Variants in PIEZO1 observed in about 807,000 individuals in gnomAD.
The protein encoded by PIEZO1 is piezo type mechanosensitive ion channel component 1 (Er blood group).
Under a neutral mutation model 297.2 loss-of-function variants are expected in PIEZO1, and 296 were observed. The observed-to-expected ratio is 1.00, with a 90% confidence interval of 0.91 to 1.10. PIEZO1 has a LOEUF of 1.10. Among genes scored for constraint, PIEZO1 ranks in the 50% least tolerant of loss-of-function variants. The probability of loss-of-function intolerance (pLI) is 0.00; values close to 1 mark genes in which losing one functional copy is unlikely to be tolerated. For missense variants in PIEZO1, 5,018 were observed against 3,455.5 expected, an observed-to-expected ratio of 1.45 and a Z score of -11.34; for synonymous variants, 2,427 against 1,507.5, an observed-to-expected ratio of 1.61 and a Z score of -14.13.
At chr16:88,753,289 G>A (rs1313322345) in intron 1 of PIEZO1, among the ~76,000 whole-genome samples, 1 of 37,682 alleles carries the variant, frequency 2.7e-5, no homozygotes, top group Non-Finnish European at 4.8e-5. Flanking sequence ...CCCCCAGAGC[G>A]TACCCGGCCC....
At position 88,715,766 on chromosome 16, in the gene PIEZO1, C is replaced by T. The variant is rs368497431; in HGVS notation, c.7405G>A (p.Glu2469Lys). 14 of 1,550,286 alleles carry T rather than the reference C, an allele frequency of 9.0e-6. No individual in the cohort carries two copies. The highest frequency in any genetic ancestry group is 2.4e-5 in the East Asian group (1 of 40,930). Residue 2469 changes from glutamate (E) to lysine (K), a missense_variant, in exon 51 of 51, where the codon GAG becomes AAG. Glu to Lys is a moderately conservative substitution (Grantham distance 56). Coordinates refer to ENST00000301015, the MANE Select transcript of PIEZO1 (RefSeq NM_001142864.4). ...ATGCGGTCCACGCACGGCAGCTCCT[C>T]GAACATAATGGAGTGCGAGATCTCG... ...FSEISHSIMF[E>K]ELPCVDRILK...
chr16:88,725,981 ACCAC>A, intron 27 of PIEZO1: 1 of 568,110 alleles, frequency 1.8e-6, no homozygotes, highest in East Asian at 3.0e-5. Context: ...CAGTCGTGAC[ACCAC>A]ACAGTGGCCC....
chr16:88,716,914 G>A lies in PIEZO1; in HGVS notation c.6661-16C>T. The A allele has an allele frequency of 6.5e-7, 1 of 1,549,148 alleles. No individual in the cohort carries two copies. The highest frequency in any genetic ancestry group is 8.7e-7 in the Non-Finnish European group (1 of 1,146,580). On this transcript the variant is annotated splice_polypyrimidine_tract_variant and intron_variant, in intron 45 of 50. Transcript: ENST00000301015. ...TGAACAGCGGCTGGGGCAGGCACGGGGACACGGGGCCACGAAGATGAGCGT... is the reference window on the plus strand; with the variant it reads ...TGAACAGCGGCTGGGGCAGGCACGGAGACACGGGGCCACGAAGATGAGCGT...
intron 1 of PIEZO1, among the ~76,000 whole-genome samples, chr16:88,764,861 G>C (rs1242649505): frequency 6.6e-6 from 1 of 152,104 alleles, no homozygotes; most frequent in East Asian, 1.9e-4. Flanking sequence ...CTCGGCACCA[G>C]GGGCAGACAC....
At chr16:88,725,831 CT>C in intron 27 of PIEZO1, 147 bp from the exon 28 acceptor site, 1 of 622,978 alleles carries the variant, frequency 1.6e-6, no homozygotes, top group Non-Finnish European at 2.9e-6. Context: ...GAGGCATCTG[CT>C]GCCCCCACCC....
rs758445295 is a variant in PIEZO1 at position 88,731,854 on chromosome 16, G to T, written c.3048C>A (p.Thr1016=). The T allele has an allele frequency of 3.5e-5, 51 of 1,437,396 alleles. No individual in the cohort carries two copies. The African/African-American group carries it at 7.2e-4, about 20-fold the overall frequency. 89.0% of individuals were successfully genotyped at this position (1,437,396 alleles called of 1,614,324 possible). A position where few individuals can be genotyped will look rare whatever the true frequency, so the allele number is the denominator to read the frequency against. Residue 1016 remains threonine (T), a synonymous_variant, in exon 22 of 51, where the codon ACC becomes ACA. Coordinates refer to ENST00000301015, the MANE Select transcript of PIEZO1 (RefSeq NM_001142864.4). ...TGGCCACCAGCCAGCAACCGTGCAG[G>T]GTCACCAGAAAGTTCATGCGCTGCC... ...VIGQRMNFLV[T]LHGCWLVAIL...
chr16:88,733,335 C>A lies in PIEZO1; in HGVS notation c.2607G>T (p.Lys869Asn), dbSNP rs1224218624. ...TGACAACCTTGAGCTGGTACAGCAT[C>A]TTACACACGATGATGACGCAGGTCC... ...TVWTCVIIVC[K>N]MLYQLKVVNP... The change falls in exon 19 of 51, where the codon AAG (lysine) becomes AAT (asparagine). Residue 869 changes from lysine (K) to asparagine (N), a missense_variant. Coordinates refer to ENST00000301015, the MANE Select transcript of PIEZO1 (RefSeq NM_001142864.4). 1 of 1,550,222 alleles carries A rather than the reference C, an allele frequency of 6.5e-7. No individual in the cohort carries two copies. The highest frequency in any genetic ancestry group is 8.7e-7 in the Non-Finnish European group (1 of 1,146,832).
At chr16:88,741,162 C>G (rs945212296) in intron 5 of PIEZO1, 1 of 222,004 alleles carries the variant, frequency 4.5e-6, no homozygotes, top group African/African-American at 2.3e-5. Flanking sequence ...GCCAGACCCA[C>G]TGCCCAGCAC....
At chr16:88,741,213 G>A (rs1905629072) in intron 5 of PIEZO1, 1 of 385,760 alleles carries the variant, frequency 2.6e-6, no homozygotes, top group Non-Finnish European at 4.7e-6. Context: ...TAATTCCCCT[G>A]TGAAGAGTTC....
chr16:88,721,271 G>A lies in PIEZO1; in HGVS notation c.5563C>T (p.Pro1855Ser). ...GGCCTGAGCTCCACTTGGGGTTCTG[G>A]GGTCCCGTCCGTGGGTCCGACCCTG... ...EARVGPTDGT[P>S]EPQVELRPRD... The change falls in exon 39 of 51, where the codon CCA (proline) becomes TCA (serine). Residue 1855 changes from proline (P) to serine (S), a missense_variant. By Grantham distance (74) the Pro-to-Ser change is moderately conservative. Transcript: ENST00000301015. The A allele has an allele frequency of 1.9e-6, 3 of 1,544,042 alleles. No individual in the cohort carries two copies. Among genetic ancestry groups the A allele is most frequent in the Non-Finnish European group, 1.7e-6 (2 of 1,146,580 alleles).
intron 22 of PIEZO1, among the ~76,000 whole-genome samples, chr16:88,730,462 G>C (rs1174195387): frequency 2.0e-5 from 3 of 152,110 alleles, no homozygotes; most frequent in Non-Finnish European, 4.4e-5. Context: ...GCCGGGCCTG[G>C]TGGTGCTTGC....
At chr16:88,776,582 G>C (rs1907676139) in intron 1 of PIEZO1, among the ~76,000 whole-genome samples, 1 of 152,202 alleles carries the variant, frequency 6.6e-6, no homozygotes, top group African/African-American at 2.4e-5. Flanking sequence ...AGGAAGGGGA[G>C]AGGCTGTGTG....
chr16:88,734,653 T>C lies in PIEZO1; in HGVS notation c.1994A>G (p.Glu665Gly), dbSNP rs547592988. 33 of 1,550,174 alleles carry C rather than the reference T, an allele frequency of 2.1e-5. No homozygotes were observed. In the African/African-American group the frequency reaches 3.8e-4, roughly 18 times the overall value. ...YWRNLTGFTDEQLGDLGLEQF... is the reference protein window; with the variant it reads ...YWRNLTGFTDGQLGDLGLEQF... The stretch of plus-strand genomic sequence containing the variant: ...CACCGCCCCAGCCTGGACTCACTGC[T>C]CGTCGGTGAAGCCAGTGAGGTTGCG... Residue 665 changes from glutamate (E) to glycine (G), a missense_variant, in exon 15 of 51, where the codon GAG (glutamate) becomes GGG (glycine). Transcript: ENST00000301015.
At chr16:88,754,259 C>G (rs984056560) in intron 1 of PIEZO1, among the ~76,000 whole-genome samples, 4 of 152,090 alleles carry the variant, frequency 2.6e-5, no homozygotes, top group African/African-American at 9.7e-5. Flanking sequence ...CCCTGGGTGT[C>G]CAAGGGCTGG....
At chr16:88,760,057 A>C (rs1434516017) in intron 1 of PIEZO1, among the ~76,000 whole-genome samples, 2 of 88,742 alleles carry the variant, frequency 2.3e-5, no homozygotes, top group African/African-American at 1.1e-4. Flanking sequence ...GCCCCAGCGG[A>C]CGTGACACCT....
intron 10 of PIEZO1, 37 bp downstream of exon 10, chr16:88,737,522 C>A (rs1381610875): frequency 1.4e-6 from 2 of 1,436,882 alleles, no homozygotes; most frequent in Non-Finnish European, 1.9e-6. Context: ...GCCCCGCCCC[C>A]CGCACCCAGC....
Position 88,734,865 on chromosome 16 carries a change from C to A in PIEZO1, c.1848+10G>T. 1 of 1,550,324 alleles carries A rather than the reference C, an allele frequency of 6.5e-7. No homozygotes were observed. Among genetic ancestry groups the A allele is most frequent in the Non-Finnish European group, 8.7e-7 (1 of 1,146,932 alleles). On this transcript the variant is annotated intron_variant, in intron 14 of 50. Coordinates refer to ENST00000301015, the MANE Select transcript of PIEZO1 (RefSeq NM_001142864.4). ...CCGTGCCCCAGCCCCCATCCCGGCCCCCCAGCCACCTGGAAGAGGGTGAGG... is the reference window on the plus strand; with the variant it reads ...CCGTGCCCCAGCCCCCATCCCGGCCACCCAGCCACCTGGAAGAGGGTGAGG...
chr16:88,774,647 G>A (rs1354595511), intron 1 of PIEZO1, among the ~76,000 whole-genome samples: 12 of 152,178 alleles, frequency 7.9e-5, no homozygotes, highest in Admixed American at 7.9e-4. Context: ...GCAATCCCGC[G>A]CTGGACCCAT....
intron 1 of PIEZO1, among the ~76,000 whole-genome samples, chr16:88,779,962 C>T (rs772389517): frequency 6.6e-6 from 1 of 152,212 alleles, no homozygotes; most frequent in Non-Finnish European, 1.5e-5. Context: ...ATCCAAAGCC[C>T]GAGAGACCTG....
Sources: allele counts gnomAD v4.1 joint callset (sites outside exome capture counted in the v4.1 genomes callset), GRCh38; gene constraint gnomAD v4.1.1; transcripts MANE v1.5; gene names NCBI Gene and HGNC (gene_info 2026-07-23, HGNC 2026-07-21).